The following CA10 variants were observed in gnomAD, a reference collection of about 807,000 sequenced individuals.
The protein encoded by CA10 is carbonic anhydrase 10 (inactive), also known as carbonic anhydrase-related protein 10.
In CA10, 14 loss-of-function variants were observed where a neutral mutation model predicts 44.2. The observed-to-expected ratio is 0.32, with a 90% confidence interval of 0.21 to 0.50. CA10 has a LOEUF of 0.50. Among genes scored for constraint, CA10 ranks in the 20% least tolerant of loss-of-function variants. The pLI is 0.99. For synonymous variants in CA10, 159 were observed against 141.6 expected (o/e 1.12, Z -0.87); for missense variants, 350 against 409.7 (o/e 0.85, Z 1.26).
rs182966881 is a variant in CA10, at chr17:51,657,637, A to G, written c.466-3901T>C. On this transcript the variant is annotated intron_variant, in intron 4 of 8. Coordinates refer to ENST00000451037, the MANE Select transcript of CA10 (RefSeq NM_020178.5). Reference sequence around the variant, plus strand: ...GGATTTCTTTTTGCCATGTATAGGTAACACTTTTAAATCTCAACCATATAA... The same window carrying G: ...GGATTTCTTTTTGCCATGTATAGGTGACACTTTTAAATCTCAACCATATAA... Among the ~76,000 whole-genome samples the G allele has an allele frequency of 2.0e-5, 3 of 152,316 alleles. No individual in the cohort carries two copies. In the East Asian group the frequency reaches 5.8e-4, roughly 29 times the overall value.
At chr17:51,805,762 G>T (rs1446052512) in intron 3 of CA10, among the ~76,000 whole-genome samples, 1 of 152,088 alleles carries the variant, frequency 6.6e-6, no homozygotes, top group Non-Finnish European at 1.5e-5. Context: ...CCCATTTACA[G>T]TAACTCCCCA....
chr17:51,702,715 A>G (rs1915642819), intron 4 of CA10, among the ~76,000 whole-genome samples: 1 of 152,176 alleles, frequency 6.6e-6, no homozygotes, highest in African/African-American at 2.4e-5. Context: ...GTAGACAGGG[A>G]GATCAGGTCC....
intron 2 of CA10, among the ~76,000 whole-genome samples, chr17:51,933,903 T>C (rs1229002551): frequency 6.6e-6 from 1 of 152,152 alleles, no homozygotes; most frequent in Non-Finnish European, 1.5e-5. Flanking sequence ...GCCCAAAAAG[T>C]ACCCCCGCAA....
intron 2 of CA10, among the ~76,000 whole-genome samples, chr17:51,932,427 C>A (rs1443993757): frequency 6.6e-6 from 1 of 152,122 alleles, no homozygotes; most frequent in Admixed American, 6.5e-5. Flanking sequence ...CAAAGATACT[C>A]AAATTCTTTG....
At chr17:51,744,025 A>G (rs1333635506) in intron 4 of CA10, among the ~76,000 whole-genome samples, 1 of 152,202 alleles carries the variant, frequency 6.6e-6, no homozygotes, top group South Asian at 2.1e-4. Context: ...GGAAATTTCT[A>G]TAAGAAAATC....
chr17:52,008,682 T>G (rs1985684889), intron 2 of CA10, among the ~76,000 whole-genome samples: 1 of 151,892 alleles, frequency 6.6e-6, no homozygotes, highest in Non-Finnish European at 1.5e-5. Flanking sequence ...AACCTCAGTC[T>G]CAAGTGTCAT....
intron 2 of CA10, among the ~76,000 whole-genome samples, chr17:51,964,612 C>G (rs1019325726): frequency 6.6e-6 from 1 of 151,656 alleles, no homozygotes; most frequent in Non-Finnish European, 1.5e-5. Flanking sequence ...AAATCCCCTG[C>G]CCCCAACAGC....
rs981666223 is a variant in CA10, at chr17:52,116,056, C to T, written c.61+41670G>A. On this transcript the variant is annotated intron_variant, in intron 1 of 8. Coordinates refer to ENST00000451037, the MANE Select transcript of CA10 (RefSeq NM_020178.5). ...GCAGTGAGCTGAGATTGGGCCACTG[C>T]ACTCCAGCCTGGCAACTCAGCGAGA... Among the ~76,000 whole-genome samples, 3 of 150,722 alleles carry T rather than the reference C, an allele frequency of 2.0e-5. No homozygotes were observed. The South Asian group carries it at 6.3e-4, about 32-fold the overall frequency.
intron 2 of CA10, among the ~76,000 whole-genome samples, chr17:52,036,807 C>T (rs561203582): frequency 1.7e-3 from 259 of 152,252 alleles, no homozygotes; most frequent in African/African-American, 6.0e-3. Flanking sequence ...ACAATTAGTC[C>T]TTAATAAATA....
At chr17:52,138,647 C>G (rs1452087511) in intron 1 of CA10, among the ~76,000 whole-genome samples, 1 of 152,188 alleles carries the variant, frequency 6.6e-6, no homozygotes, top group African/African-American at 2.4e-5. Context: ...GCAGCAGTGT[C>G]CAGCTTTCTG....
chr17:51,984,486 GA>G (rs1012630938), intron 2 of CA10, among the ~76,000 whole-genome samples: 1 of 150,970 alleles, frequency 6.6e-6, no homozygotes, highest in Non-Finnish European at 1.5e-5. Context: ...AAACCCAACA[GA>G]AAAAAGGAAT....
chr17:52,035,548 C>T (rs984817131), intron 2 of CA10, among the ~76,000 whole-genome samples: 3 of 152,144 alleles, frequency 2.0e-5, no homozygotes, highest in Non-Finnish European at 4.4e-5. Context: ...GCAGCTGCCT[C>T]ACACAAAAAA....
At chr17:51,791,156 T>G (rs796579156) in intron 3 of CA10, among the ~76,000 whole-genome samples, 9 of 152,352 alleles carry the variant, frequency 5.9e-5, no homozygotes, top group African/African-American at 2.2e-4. Context: ...TCTCTGTGCA[T>G]GGTAATGGTA....
intron 2 of CA10, among the ~76,000 whole-genome samples, chr17:51,947,466 C>T (rs1004394008): frequency 2.0e-5 from 3 of 152,092 alleles, no homozygotes; most frequent in Non-Finnish European, 4.4e-5. Flanking sequence ...AATATTTCTA[C>T]TCAATTGTAA....
At chr17:52,114,684 T>A (rs1050260947) in intron 1 of CA10, among the ~76,000 whole-genome samples, 2 of 152,232 alleles carry the variant, frequency 1.3e-5, no homozygotes, top group East Asian at 1.9e-4. Context: ...AATGGAGCTA[T>A]AACAAGTTGG....
At chr17:51,715,253 T>C (rs963636041) in intron 4 of CA10, among the ~76,000 whole-genome samples, 4 of 152,048 alleles carry the variant, frequency 2.6e-5, no homozygotes, top group African/African-American at 4.8e-5. Context: ...CATTAGGAGA[T>C]ATACCTAATG....
intron 3 of CA10, among the ~76,000 whole-genome samples, chr17:51,857,577 T>C (rs763725298): frequency 1.1e-4 from 17 of 152,208 alleles, no homozygotes; most frequent in Non-Finnish European, 2.4e-4. Context: ...TCTGTCATGA[T>C]ACGGCTGAGA....
chr17:51,721,106 G>C lies in CA10; in HGVS notation c.465+26527C>G, dbSNP rs568192316. ...GCACTTTGGGAGGCTGAGGTGGACG[G>C]ATCACCTAAGGTCAGGAGTTTGAGA... On this transcript the variant is annotated intron_variant, in intron 4 of 8. Transcript: ENST00000451037. Among the ~76,000 whole-genome samples, 52 of 152,156 alleles carry C rather than the reference G, an allele frequency of 3.4e-4. 2 individuals are homozygous for C. Among genetic ancestry groups the C allele is most frequent in the Admixed American group, 2.4e-3 (36 of 15,284 alleles).
At chr17:51,636,775 T>TGTGTG (rs1555577669) in intron 6 of CA10, among the ~76,000 whole-genome samples, 4,707 of 146,592 alleles carry the variant, frequency 0.032, 128 homozygotes, top group South Asian at 0.1. Flanking sequence ...ACTGATTATT[T>TGTGTG]TGTGTGTGTG....
Sources: allele counts gnomAD v4.1 joint callset (sites outside exome capture counted in the v4.1 genomes callset), GRCh38; gene constraint gnomAD v4.1.1; transcripts MANE v1.5; gene names NCBI Gene and HGNC (gene_info 2026-07-23, HGNC 2026-07-21).